Variants in GLIS3 observed in about 807,000 individuals in gnomAD.
GLIS3 encodes zinc finger protein GLIS3.
Under a neutral mutation model 78.6 loss-of-function variants are expected in GLIS3, and 53 were observed. The observed-to-expected ratio is 0.67, with a 90% confidence interval of 0.54 to 0.85. The LOEUF (loss-of-function observed/expected upper bound fraction) is 0.85, where lower values mean the gene tolerates loss of function less well. GLIS3 is among the 40% of genes least tolerant of loss of function. The pLI is 0.00. For missense variants in GLIS3, 1,703 were observed against 1,231.1 expected, an observed-to-expected ratio of 1.38 and a Z score of -5.74; for synonymous variants, 684 against 509.9, an observed-to-expected ratio of 1.34 and a Z score of -4.60.
At chr9:3,962,056 A>ATAC (rs1563895664) in intron 4 of GLIS3, among the ~76,000 whole-genome samples, 2 of 152,024 alleles carry the variant, frequency 1.3e-5, no homozygotes, top group Non-Finnish European at 2.9e-5. Context: ...AATAATAATA[A>ATAC]TAAAATTTAA....
intron 4 of GLIS3, among the ~76,000 whole-genome samples, chr9:4,053,752 C>T (rs1173070766): frequency 7.3e-6 from 1 of 137,346 alleles, no homozygotes; most frequent in East Asian, 2.2e-4. Context: ...AGCAAAGCCA[C>T]ATGAAGAGAA....
chr9:3,858,788 A>G (rs1819963140), intron 8 of GLIS3, among the ~76,000 whole-genome samples: 1 of 152,192 alleles, frequency 6.6e-6, no homozygotes, highest in Admixed American at 6.5e-5. Context: ...TATCCAGACA[A>G]TTGCTAGGAA....
chr9:4,091,774 C>T lies in GLIS3; in HGVS notation c.1710+25994G>A, dbSNP rs796339990. On this transcript the variant is annotated intron_variant, in intron 4 of 10. Transcript: ENST00000381971. ...CTGAGGCTTCCCCAGCCCTGCGGAA[C>T]CCCTCTTCTTTATAAATTACCCAGT... Among the ~76,000 whole-genome samples, 10 of 152,264 alleles carry T rather than the reference C, an allele frequency of 6.6e-5. 1 individual carries two copies. The highest frequency in any genetic ancestry group is 2.4e-4 in the African/African-American group (10 of 41,544).
At chr9:4,332,392 G>A (rs1296775126) in intron 2 of GLIS3, among the ~76,000 whole-genome samples, 1 of 152,198 alleles carries the variant, frequency 6.6e-6, no homozygotes, top group Non-Finnish European at 1.5e-5. Context: ...GCACACGGCT[G>A]CTCAACTGGA....
Position 3,824,533 on chromosome 9 carries a change from C to G in GLIS3, c.*3739G>C, listed in dbSNP as rs1199497321. ...CACAATCCCTTCATTTTACTTTTGA[C>G]ATAAAAAAAGGACTTCATGAACAAG... On this transcript the variant is annotated 3_prime_UTR_variant, in exon 11 of 11. Transcript: ENST00000381971. 1 of 152,088 alleles carries G rather than the reference C, an allele frequency of 6.6e-6. No individual in the cohort carries two copies. Among genetic ancestry groups the G allele is most frequent in the East Asian group, 1.9e-4 (1 of 5,188 alleles). 9.4% of individuals were successfully genotyped at this position (152,088 alleles called of 1,614,324 possible). A position where few individuals can be genotyped will look rare whatever the true frequency, so the allele number is the denominator to read the frequency against.
At chr9:4,385,737 AAAAGAAAGAAAGAAAG>A in the GLIS3 span, among the ~76,000 whole-genome samples, 762 of 54,470 alleles carry the variant, frequency 0.014, 58 homozygotes, top group African/African-American at 0.033. Flanking sequence ...GAAAGAAAGA[AAAAGAAAGAAAGAAAG>A]AAAGAAAGAA....
At chr9:3,926,243 T>C (rs1825234066) in intron 6 of GLIS3, among the ~76,000 whole-genome samples, 1 of 149,904 alleles carries the variant, frequency 6.7e-6, no homozygotes, top group Non-Finnish European at 1.5e-5. Context: ...GTTTTTTTTT[T>C]TTTCTTTGAC....
At chr9:3,962,955 G>A (rs544153466) in intron 4 of GLIS3, among the ~76,000 whole-genome samples, 2 of 150,940 alleles carry the variant, frequency 1.3e-5, no homozygotes, top group African/African-American at 2.5e-5. Context: ...AAGGGGGGGG[G>A]GGGGAGAGAG....
At chr9:4,465,387 A>G in the GLIS3 span, among the ~76,000 whole-genome samples, 1 of 152,192 alleles carries the variant, frequency 6.6e-6, no homozygotes. Context: ...ATCTCTATTA[A>G]AAATACAAAA....
chr9:4,153,713 T>C (rs920915021), intron 2 of GLIS3, among the ~76,000 whole-genome samples: 1 of 152,204 alleles, frequency 6.6e-6, no homozygotes, highest in Non-Finnish European at 1.5e-5. Flanking sequence ...GATCAATAAA[T>C]GGTAGTGGGT....
At chr9:3,999,228 C>T (rs1415162573) in intron 4 of GLIS3, among the ~76,000 whole-genome samples, 2 of 152,142 alleles carry the variant, frequency 1.3e-5, no homozygotes, top group Non-Finnish European at 2.9e-5. Flanking sequence ...ACAAAGACTA[C>T]TACAACAAAT....
the GLIS3 span, among the ~76,000 whole-genome samples, chr9:4,435,759 C>G: frequency 6.6e-6 from 1 of 152,014 alleles, no homozygotes; most frequent in Non-Finnish European, 1.5e-5. Flanking sequence ...ACCATCCTGG[C>G]TAATACAGTG....
chr9:4,485,166 G>C, the GLIS3 span, among the ~76,000 whole-genome samples: 1 of 151,574 alleles, frequency 6.6e-6, no homozygotes, highest in Admixed American at 6.6e-5. Context: ...AGGCACTCAC[G>C]ACCATGCCCA....
chr9:4,227,841 T>C (rs887936761), intron 2 of GLIS3, among the ~76,000 whole-genome samples: 6 of 152,198 alleles, frequency 3.9e-5, no homozygotes, highest in African/African-American at 1.2e-4. Context: ...CTAAGGGTCA[T>C]AGAATGAAAT....
intron 2 of GLIS3, among the ~76,000 whole-genome samples, chr9:4,139,574 G>C (rs911442239): frequency 6.6e-6 from 1 of 152,080 alleles, no homozygotes; most frequent in Admixed American, 6.5e-5. Flanking sequence ...AACACATTCA[G>C]TGTGAAGGGA....
the GLIS3 span, among the ~76,000 whole-genome samples, chr9:4,356,619 A>G: frequency 1.3e-5 from 2 of 152,234 alleles, no homozygotes; most frequent in Non-Finnish European, 2.9e-5. Flanking sequence ...TTAAAATACA[A>G]AGGGAACACA....
chr9:4,036,153 C>T (rs571790273), intron 4 of GLIS3, among the ~76,000 whole-genome samples: 5 of 152,310 alleles, frequency 3.3e-5, no homozygotes, highest in South Asian at 2.1e-4. Flanking sequence ...TTTCCTTTAC[C>T]GTTTGAAGAC....
chr9:4,479,111 A>C, the GLIS3 span, among the ~76,000 whole-genome samples: 1 of 152,166 alleles, frequency 6.6e-6, no homozygotes, highest in Admixed American at 6.6e-5. Flanking sequence ...TTTTTTGTAG[A>C]GACAGGATTT....
rs1425660259 is a variant in GLIS3, at chr9:4,321,692, G to C, written n.265-11164C>G. On this transcript the variant is annotated intron_variant and non_coding_transcript_variant, in intron 2 of 4. Coordinates refer to the GLIS3 transcript ENST00000471664. ...TCCTCCAAAGGTAACTACCATCTCT[G>C]CATTTTGTGTTTATTTTTATTGGCA... is the stretch of plus-strand genomic sequence containing the variant. Among the ~76,000 whole-genome samples, 7 of 139,630 alleles carry C rather than the reference G, an allele frequency of 5.0e-5. No homozygotes were observed. The Admixed American group carries it at 5.5e-4, about 11-fold the overall frequency. The allele number at this position is 139,630 out of a possible 152,430, so 91.6% of individuals were successfully genotyped here. A position where few individuals can be genotyped will look rare whatever the true frequency, so the allele number is the denominator to read the frequency against.
Sources: gnomAD v4.1 joint callset for allele counts (sites outside exome capture counted in the v4.1 genomes callset) on GRCh38, gnomAD v4.1.1 for gene constraint, MANE v1.5 for transcripts, NCBI Gene and HGNC (gene_info 2026-07-23, HGNC 2026-07-21) for gene names.